The following TOGARAM2 variants were observed in gnomAD, a reference collection of about 807,000 sequenced individuals.
TOGARAM2 encodes the protein TOG array regulator of axonemal microtubules protein 2.
Under a neutral mutation model 93.3 loss-of-function variants are expected in TOGARAM2, and 85 were observed. The observed-to-expected ratio is 0.91, with a 90% CI of 0.76 to 1.09. The LOEUF is 1.09. Ranked by LOEUF, TOGARAM2 falls within the 50% of genes least tolerant of loss-of-function variation. The pLI is 0.00. For missense variants in TOGARAM2, 1,277 were observed against 1,334.5 expected (o/e 0.96, Z 0.67); for synonymous variants, 593 against 552.8 (o/e 1.07, Z -1.02).
chr2:29,029,664 G>A (rs900614496), intron 14 of TOGARAM2, among the ~76,000 whole-genome samples: 3 of 149,018 alleles, frequency 2.0e-5, no homozygotes, highest in Non-Finnish European at 3.0e-5. Context: ...GCTGAGGCAG[G>A]AGAATGGCGT....
chr2:29,021,323 C>T (rs1407629685), intron 10 of TOGARAM2, among the ~76,000 whole-genome samples: 1 of 152,136 alleles, frequency 6.6e-6, no homozygotes, highest in Non-Finnish European at 1.5e-5. Context: ...GGAGAAAACT[C>T]GCCAGGAAGG....
At chr2:28,998,122 C>T (rs377515504) in intron 2 of TOGARAM2, 21 bp from the exon 3 acceptor site, 5 of 1,556,160 alleles carry the variant, frequency 3.2e-6, no homozygotes, top group Non-Finnish European at 3.5e-6. Context: ...AGGTGCTGCT[C>T]TCCTGTGCTT....
In TOGARAM2 at chr2:29,023,201, C is replaced by G; in HGVS notation, c.1617+10C>G. 2 of 1,569,812 alleles carry G rather than the reference C, an allele frequency of 1.3e-6. No homozygotes were observed. The highest frequency in any genetic ancestry group is 2.3e-5 in the South Asian group (2 of 85,364). ...GGTGGTGACTGGGGAGGTGAGGCCCCCCAGCCTGTGTGCTGTGCATTTGGC... is the reference window on the plus strand; with the variant it reads ...GGTGGTGACTGGGGAGGTGAGGCCCGCCAGCCTGTGTGCTGTGCATTTGGC... On this transcript the variant is annotated intron_variant, in intron 12 of 19. Coordinates refer to ENST00000379558, the MANE Select transcript of TOGARAM2 (RefSeq NM_199280.4).
intron 1 of TOGARAM2, among the ~76,000 whole-genome samples, chr2:28,957,110 AC>A (rs1671730262): frequency 6.6e-6 from 1 of 152,112 alleles, no homozygotes; most frequent in Admixed American, 6.5e-5. Context: ...GTCTCAAAAA[AC>A]AAAAAACAAA....
intron 1 of TOGARAM2, among the ~76,000 whole-genome samples, chr2:28,966,860 T>A (rs1671874214): frequency 6.6e-6 from 1 of 152,248 alleles, no homozygotes; most frequent in Non-Finnish European, 1.5e-5. Context: ...GCACCCATTT[T>A]TCATGTGTAT....
At chr2:28,979,232 C>T (rs145549194), upstream of TOGARAM2, among the ~76,000 whole-genome samples, 14 of 152,252 alleles carry the variant, frequency 9.2e-5, no homozygotes, top group East Asian at 1.9e-4. Flanking sequence ...CTCCTTACCT[C>T]GGGGATTTCA....
intron 1 of TOGARAM2, among the ~76,000 whole-genome samples, chr2:28,988,223 A>G (rs923651325): frequency 1.3e-5 from 2 of 152,208 alleles, no homozygotes; most frequent in Non-Finnish European, 2.9e-5. Flanking sequence ...AGATGGAGGC[A>G]TCTGGGAGAG....
intron 14 of TOGARAM2, among the ~76,000 whole-genome samples, chr2:29,028,250 G>A (rs1319300151): frequency 1.3e-5 from 2 of 152,186 alleles, no homozygotes; most frequent in East Asian, 3.9e-4. Flanking sequence ...GCCCACCCTG[G>A]ATGGGTGAGC....
intron 4 of TOGARAM2, 140 bp from the exon 5 acceptor site, chr2:29,002,396 G>A (rs1673351963): frequency 1.4e-6 from 1 of 692,640 alleles, no homozygotes; most frequent in Non-Finnish European, 2.4e-6. Flanking sequence ...ACCAGTGGTG[G>A]GGTTGGGGAC....
At chr2:29,004,939 T>TAC (rs1558420972) in intron 6 of TOGARAM2, among the ~76,000 whole-genome samples, 13 of 106,792 alleles carry the variant, frequency 1.2e-4, no homozygotes, top group East Asian at 2.9e-4. Context: ...AGTGCATGTG[T>TAC]GTGCATGTGT....
intron 15 of TOGARAM2, 175 bp from the exon 16 acceptor site, chr2:29,033,294 A>T: frequency 1.4e-6 from 1 of 700,012 alleles, no homozygotes; most frequent in Non-Finnish European, 2.4e-6. Context: ...TCTGTTAACC[A>T]GGGATCTTGA....
chr2:28,979,268 T>C (rs974784762), upstream of TOGARAM2, among the ~76,000 whole-genome samples: 2 of 152,182 alleles, frequency 1.3e-5, no homozygotes, highest in African/African-American at 2.4e-5. Flanking sequence ...TCACTGCCCC[T>C]GGGATTCGCT....
At position 29,033,433 on chromosome 2, in the gene TOGARAM2, T is replaced by A. The variant is rs1665894721; in HGVS notation, c.2131-36T>A. On this transcript the variant is annotated intron_variant, in intron 15 of 19. Coordinates refer to ENST00000379558, the MANE Select transcript of TOGARAM2 (RefSeq NM_199280.4). ...GTCTGGCATTTCCCTGGAGGGCCAC[T>A]CCTTTTGGCTCATGCTCTGTGTGTA... is the stretch of plus-strand genomic sequence containing the variant. 2.5e-6 allele frequency: 4 copies of A among 1,580,522 alleles called. No individual in the cohort carries two copies. In the African/African-American group the frequency reaches 5.4e-5, roughly 21 times the overall value.
chr2:29,044,443 C>G (rs936936100), intron 18 of TOGARAM2, among the ~76,000 whole-genome samples: 4 of 152,108 alleles, frequency 2.6e-5, no homozygotes, highest in African/African-American at 9.7e-5. Flanking sequence ...CTGACCCTGC[C>G]AGAGCCAGCC....
intron 18 of TOGARAM2, among the ~76,000 whole-genome samples, chr2:29,039,050 C>A (rs938222449): frequency 1.3e-5 from 2 of 152,220 alleles, no homozygotes; most frequent in South Asian, 4.1e-4. Flanking sequence ...CTAAATTTCC[C>A]GCTGTCCCAG....
In TOGARAM2 at chr2:29,035,478, GC is replaced by G; in HGVS notation, c.2243del (p.Pro748GlnfsTer23). The stretch of plus-strand genomic sequence containing the variant: ...TCCTTACCTAGGCTCAGCTGCAATG[GC>G]CCAAGGCTGGTGGGGCTGCGCTCCA... ...LPIKEGLSCN[G>X]PRLVGLRSTL... is the part of the protein sequence containing the mutation. On this transcript the variant is annotated frameshift_variant, in exon 17 of 20. Coordinates refer to ENST00000379558, the MANE Select transcript of TOGARAM2 (RefSeq NM_199280.4). LOFTEE classifies it high-confidence loss of function. 1 of 1,452,592 alleles carries G rather than the reference GC, an allele frequency of 6.9e-7. No individual in the cohort carries two copies. 90.0% of individuals were successfully genotyped at this position (1,452,592 alleles called of 1,614,324 possible). A position where few individuals can be genotyped will look rare whatever the true frequency, so the allele number is the denominator to read the frequency against.
chr2:29,006,080 C>CGTGTGT (rs199864056), intron 6 of TOGARAM2, among the ~76,000 whole-genome samples: 76 of 126,604 alleles, frequency 6.0e-4, no homozygotes, highest in Middle Eastern at 4.7e-3. Context: ...TGTGAGAGCA[C>CGTGTGT]GTGTGTGTGT....
At chr2:28,982,374 G>A (rs894523221) in intron 1 of TOGARAM2, among the ~76,000 whole-genome samples, 5 of 152,152 alleles carry the variant, frequency 3.3e-5, no homozygotes, top group Admixed American at 1.3e-4. Context: ...ACTGGGGCCC[G>A]TACTCTGTCG....
chr2:29,042,776 C>T (rs1666512677), intron 18 of TOGARAM2, among the ~76,000 whole-genome samples: 1 of 152,234 alleles, frequency 6.6e-6, no homozygotes, highest in South Asian at 2.1e-4. Context: ...TTACAGGGGG[C>T]AGTAGCTTCA....
Sources: gnomAD v4.1 joint callset for allele counts (sites outside exome capture counted in the v4.1 genomes callset) on GRCh38, gnomAD v4.1.1 for gene constraint, MANE v1.5 for transcripts, NCBI Gene and HGNC (gene_info 2026-07-23, HGNC 2026-07-21) for gene names.